The following METTL8 variants were observed in gnomAD, a reference collection of about 807,000 sequenced individuals.
METTL8 encodes tRNA N(3)-cytidine methyltransferase METTL8, mitochondrial.
In METTL8, 32 loss-of-function variants were observed where a neutral mutation model predicts 48.7. That is an observed-to-expected ratio of 0.66 (90% CI 0.50 to 0.88). The LOEUF is 0.88. Ranked by LOEUF, METTL8 falls within the 40% of genes least tolerant of loss-of-function variation. The pLI, the probability that METTL8 is intolerant of heterozygous loss-of-function variation, is 0.00. For synonymous variants in METTL8, 136 were observed against 157.1 expected (o/e 0.87, Z 1.01); for missense variants, 464 against 474.4 (o/e 0.98, Z 0.20).
chr2:171,399,188 T>C (rs539465293), intron 1 of METTL8, among the ~76,000 whole-genome samples: 3 of 152,236 alleles, frequency 2.0e-5, no homozygotes, highest in African/African-American at 7.2e-5. Flanking sequence ...GAGATCTTAA[T>C]GCCAAGGCTC....
Position 171,317,567 on chromosome 2 carries a change from T to G in METTL8, c.*6605A>C, listed in dbSNP as rs1684319426. On this transcript the variant is annotated 3_prime_UTR_variant, in exon 10 of 10. Coordinates refer to ENST00000375258, the MANE Select transcript of METTL8 (RefSeq NM_001321154.2). ...AGGACACAGCTAGCTGGACACTATTTGAAGTCTATGTGCTCAAGTATTGCT... is the reference window on the plus strand; with the variant it reads ...AGGACACAGCTAGCTGGACACTATTGGAAGTCTATGTGCTCAAGTATTGCT... 1 of 152,272 alleles carries G rather than the reference T, an allele frequency of 6.6e-6. No homozygotes were observed. Among genetic ancestry groups the G allele is most frequent in the East Asian group, 1.9e-4 (1 of 5,202 alleles). 9.4% of individuals were successfully genotyped at this position (152,272 alleles called of 1,614,324 possible). A position where few individuals can be genotyped will look rare whatever the true frequency, so the allele number is the denominator to read the frequency against.
intron 2 of METTL8, among the ~76,000 whole-genome samples, chr2:171,384,316 T>C (rs1687841997): frequency 6.6e-6 from 1 of 152,040 alleles, no homozygotes; most frequent in South Asian, 2.1e-4. Flanking sequence ...AAGACCAGCA[T>C]GGGCAACATG....
intron 1 of METTL8, among the ~76,000 whole-genome samples, chr2:171,409,102 A>G (rs977231093): frequency 1.3e-5 from 2 of 152,216 alleles, no homozygotes; most frequent in African/African-American, 4.8e-5. Flanking sequence ...AGAGGGCTGA[A>G]CCGACAACAG....
At chr2:171,359,812 C>T (rs1443962995) in intron 3 of METTL8, among the ~76,000 whole-genome samples, 3 of 152,076 alleles carry the variant, frequency 2.0e-5, no homozygotes, top group Non-Finnish European at 4.4e-5. Context: ...CAGGTTTTCT[C>T]GATCTCTTGA....
At chr2:171,419,841 A>G (rs147573723) in intron 1 of METTL8, among the ~76,000 whole-genome samples, 596 of 152,166 alleles carry the variant, frequency 3.9e-3, no homozygotes, top group African/African-American at 0.013. Context: ...GTCTCAGACA[A>G]AATAGTTCCA....
chr2:171,330,555 T>C lies in METTL8; in HGVS notation c.860+4A>G, dbSNP rs1191899788. On this transcript the variant is annotated splice_donor_region_variant and intron_variant, in intron 7 of 9. Coordinates refer to ENST00000375258, the MANE Select transcript of METTL8 (RefSeq NM_001321154.2). ...ATCCACTTTGCCCTTTCGTCTTCAT[T>C]TACCTGTCAGGATGAATAGAAGAGA... is the stretch of plus-strand genomic sequence containing the variant. 2 of 1,612,326 alleles carry C rather than the reference T, an allele frequency of 1.2e-6. No individual in the cohort carries two copies. The highest frequency in any genetic ancestry group is 2.2e-5 in the South Asian group (2 of 90,402).
At chr2:171,338,216 C>T (rs980903919) in intron 4 of METTL8, among the ~76,000 whole-genome samples, 2 of 152,082 alleles carry the variant, frequency 1.3e-5, no homozygotes, top group Non-Finnish European at 2.9e-5. Flanking sequence ...TTATAGTACT[C>T]CACATAGTAA....
At chr2:171,352,923 C>T (rs1380137699) in intron 3 of METTL8, among the ~76,000 whole-genome samples, 3 of 152,282 alleles carry the variant, frequency 2.0e-5, no homozygotes, top group East Asian at 1.9e-4. Flanking sequence ...AAACCAGCTC[C>T]TGGATTCATT....
At chr2:171,348,789 T>A (rs1683567291) in intron 3 of METTL8, among the ~76,000 whole-genome samples, 1 of 152,194 alleles carries the variant, frequency 6.6e-6, no homozygotes, top group Non-Finnish European at 1.5e-5. Context: ...TATAAATTTC[T>A]GTGTCTATTT....
chr2:171,356,952 A>ATGTTTTTTTTTTGTT lies in METTL8; in HGVS notation c.235+3469_235+3470insAACAAAAAAAAAACA. Among the ~76,000 whole-genome samples, 126 of 78,464 alleles carry ATGTTTTTTTTTTGTT rather than the reference A, an allele frequency of 1.6e-3. 11 individuals carry two copies. Among genetic ancestry groups the ATGTTTTTTTTTTGTT allele is most frequent in the Non-Finnish European group, 2.5e-3 (103 of 41,402 alleles). The allele number at this position is 78,464 out of a possible 152,430, so 51.5% of individuals were successfully genotyped here. ...CAAATTAGCCTTGTTCAAAGACAATATTTTTTTTTTTTTTTTTGAGACAGG... is the reference window on the plus strand; with the variant it reads ...CAAATTAGCCTTGTTCAAAGACAATATGTTTTTTTTTTGTTTTTTTTTTTTTTTTTTTGAGACAGG... On this transcript the variant is annotated intron_variant, in intron 3 of 9. Transcript: ENST00000375258.
chr2:171,417,450 C>T (rs534972314), intron 1 of METTL8, among the ~76,000 whole-genome samples: 9 of 152,288 alleles, frequency 5.9e-5, no homozygotes, highest in Admixed American at 3.3e-4. Flanking sequence ...GTGCTAGGCA[C>T]TACTCCAAGT....
chr2:171,384,995 A>G (rs1049947872), intron 2 of METTL8, among the ~76,000 whole-genome samples: 1 of 152,154 alleles, frequency 6.6e-6, no homozygotes, highest in Non-Finnish European at 1.5e-5. Flanking sequence ...AAAAAAAAAT[A>G]TGGTCATATA....
At chr2:171,431,167 T>C (rs1012232820) in intron 1 of METTL8, among the ~76,000 whole-genome samples, 4 of 152,186 alleles carry the variant, frequency 2.6e-5, no homozygotes, top group Admixed American at 2.6e-4. Flanking sequence ...TTACACCAGA[T>C]GTTTTGTGCA....
intron 4 of METTL8, among the ~76,000 whole-genome samples, chr2:171,337,769 A>G (rs1163728297): frequency 6.6e-6 from 1 of 152,036 alleles, no homozygotes; most frequent in African/African-American, 2.4e-5. Context: ...AACTGCAATG[A>G]ATATGATAAA....
chr2:171,434,272 T>C, upstream of METTL8: 1 of 538,588 alleles, frequency 1.9e-6, no homozygotes, highest in South Asian at 1.5e-5. Context: ...CATTTCCCGG[T>C]GAGAGAGCGG....
intron 2 of METTL8, among the ~76,000 whole-genome samples, chr2:171,385,982 A>G (rs1018360772): frequency 2.0e-5 from 3 of 152,196 alleles, no homozygotes; most frequent in African/African-American, 7.2e-5. Flanking sequence ...CAAGTTAGAA[A>G]TTCCTGGGCC....
intron 3 of METTL8, among the ~76,000 whole-genome samples, chr2:171,357,520 A>T (rs1684713235): frequency 6.6e-6 from 1 of 152,230 alleles, no homozygotes; most frequent in South Asian, 2.1e-4. Context: ...TATTCTTAAA[A>T]GAAATTAAAA....
chr2:171,410,042 GAAT>G (rs1452217108), intron 1 of METTL8, among the ~76,000 whole-genome samples: 1 of 152,200 alleles, frequency 6.6e-6, no homozygotes, highest in Non-Finnish European at 1.5e-5. Context: ...AAAAGCCCAT[GAAT>G]AATAATGTCA....
intron 5 of METTL8, among the ~76,000 whole-genome samples, chr2:171,333,212 C>A (rs1199499818): frequency 6.6e-6 from 1 of 151,834 alleles, no homozygotes; most frequent in Non-Finnish European, 1.5e-5. Context: ...AATTCTCCTG[C>A]CTCAGCCTCC....
Sources: gnomAD v4.1 joint callset for allele counts (sites outside exome capture counted in the v4.1 genomes callset) on GRCh38, gnomAD v4.1.1 for gene constraint, MANE v1.5 for transcripts, NCBI Gene and HGNC (gene_info 2026-07-23, HGNC 2026-07-21) for gene names.